NCOR1: variants seen among roughly 807,000 people sequenced by gnomAD.
NCOR1 encodes protein phosphatase 1, regulatory subunit 109.
A neutral mutation model predicts 288.1 loss-of-function variants in NCOR1; 63 were observed. The ratio of observed to expected loss-of-function variants is 0.22; its 90% CI spans 0.18 to 0.27. The LOEUF (loss-of-function observed/expected upper bound fraction) is 0.27. Among genes scored for constraint, NCOR1 ranks in the 10% least tolerant of loss-of-function variants. The probability of loss-of-function intolerance (pLI) is 1.00; values close to 1 mark genes in which losing one functional copy is unlikely to be tolerated. For synonymous variants in NCOR1, 1,007 were observed against 1,065.9 expected (o/e 0.94, Z 1.08); for missense variants, 2,397 against 3,019.2 (o/e 0.79, Z 4.83).
At chr17:16,158,739 C>T in intron 6 of NCOR1, 21 bp downstream of exon 6, 1 of 1,530,144 alleles carries the variant, frequency 6.5e-7, no homozygotes, top group Non-Finnish European at 9.0e-7. Flanking sequence ...GCCTGTGCTG[C>T]CAGAGATGGT....
chr17:16,047,144 G>A (rs768399930), intron 41 of NCOR1, 51 bp from the exon 42 acceptor site: 1 of 1,524,504 alleles, frequency 6.6e-7, no homozygotes, highest in Admixed American at 2.1e-5. Context: ...CTAATCCTGG[G>A]GACATTCCTA....
At chr17:16,205,643 G>GA (rs35190516) in intron 1 of NCOR1, among the ~76,000 whole-genome samples, 82,999 of 132,418 alleles carry the variant, frequency 0.63, 24,921 homozygotes, top group African/African-American at 0.74. Context: ...AAGAAAAGAA[G>GA]AAAAAAAAAA....
At chr17:16,116,591 T>C (rs1330419218) in intron 18 of NCOR1, among the ~76,000 whole-genome samples, 1 of 152,226 alleles carries the variant, frequency 6.6e-6, no homozygotes, top group African/African-American at 2.4e-5. Context: ...TCTGAAAACA[T>C]AGTTTGTCTG....
chr17:16,186,492 T>A (rs1368515267), intron 3 of NCOR1, 62 bp downstream of exon 3: 2 of 1,505,204 alleles, frequency 1.3e-6, no homozygotes, highest in East Asian at 2.3e-5. Flanking sequence ...AATAAAATAA[T>A]GACAAACTTG....
intron 3 of NCOR1, among the ~76,000 whole-genome samples, chr17:16,182,787 G>A (rs1186629107): frequency 6.6e-6 from 1 of 151,974 alleles, no homozygotes; most frequent in Non-Finnish European, 1.5e-5. Flanking sequence ...AGAAATATAT[G>A]AAAGTGATCA....
At chr17:16,049,585 A>ATT (rs753232197) in intron 40 of NCOR1, among the ~76,000 whole-genome samples, 34 of 142,116 alleles carry the variant, frequency 2.4e-4, no homozygotes, top group Non-Finnish European at 3.6e-4. Flanking sequence ...CCCATTTATC[A>ATT]TTTTTTTTTT....
chr17:16,138,282 G>A (rs1399638510), intron 12 of NCOR1, 70 bp from the exon 13 acceptor site: 2 of 1,324,788 alleles, frequency 1.5e-6, no homozygotes, highest in Non-Finnish European at 2.1e-6. Context: ...AAAAAACTTG[G>A]GAAAAGAAAG....
At position 16,072,165 on chromosome 17, in the gene NCOR1, A is replaced by G. The variant is rs775859959; in HGVS notation, c.3875T>C (p.Leu1292Ser). The G allele has an allele frequency of 3.1e-6, 5 of 1,611,734 alleles. No individual in the cohort carries two copies. In the South Asian group the frequency reaches 5.5e-5, roughly 18 times the overall value. Residue 1292 changes from leucine to serine, a missense_variant, in exon 29 of 46, where the codon TTG becomes TCG. Physicochemically the swap from Leu to Ser is moderately radical, Grantham distance 145. Transcript: ENST00000268712. Reference sequence around the variant, plus strand: ...TTTACCCTGCATTATGGAGCCAGACAATACAGTCCTTTCTTTGAGGTCAGA... The same window carrying G: ...TTTACCCTGCATTATGGAGCCAGACGATACAGTCCTTTCTTTGAGGTCAGA... ...PHSDLKERTV[L>S]SGSIMQGTPR...
chr17:16,103,619 G>C (rs2068029707), intron 19 of NCOR1, among the ~76,000 whole-genome samples: 1 of 152,232 alleles, frequency 6.6e-6, no homozygotes, highest in Non-Finnish European at 1.5e-5. Context: ...AATGCCTCAT[G>C]CATCTTCTAC....
Position 16,107,759 on chromosome 17 carries a change from A to T in NCOR1, c.2182+1027T>A, listed in dbSNP as rs547562385. On this transcript the variant is annotated intron_variant, in intron 19 of 45. Transcript: ENST00000268712. ...TCCCTGTTTGCAGCACTCTTACCCT[A>T]CCCTCGGGTGGGACTTCTCTAATAC... is the stretch of plus-strand genomic sequence containing the variant. Among the ~76,000 whole-genome samples, 203 of 152,072 alleles carry T rather than the reference A, an allele frequency of 1.3e-3. 1 individual carries two copies. Among genetic ancestry groups the T allele is most frequent in the African/African-American group, 4.6e-3 (192 of 41,484 alleles).
At chr17:16,174,210 T>C (rs768249637) in intron 3 of NCOR1, among the ~76,000 whole-genome samples, 1 of 152,190 alleles carries the variant, frequency 6.6e-6, no homozygotes, top group African/African-American at 2.4e-5. Flanking sequence ...AAAATTCATA[T>C]GGAATCTCAA....
Position 16,029,321 on chromosome 17 carries a change from A to G in NCOR1, c.*2975T>C, listed in dbSNP as rs1971750116. 3 of 441,032 alleles carry G rather than the reference A, an allele frequency of 6.8e-6. No homozygotes were observed. Among genetic ancestry groups the G allele is most frequent in the South Asian group, 4.9e-5 (3 of 60,772 alleles). The allele number at this position is 441,032 out of a possible 1,614,324, so 27.3% of individuals were successfully genotyped here. ...GTTGTAAAATAAGGTACTGAAGCAA[A>G]AGGAGGACTGATCTCCTTTACTGAT... On this transcript the variant is annotated 3_prime_UTR_variant, in exon 46 of 46. Coordinates refer to ENST00000268712, the MANE Select transcript of NCOR1 (RefSeq NM_006311.4).
intron 19 of NCOR1, among the ~76,000 whole-genome samples, chr17:16,107,191 G>C (rs188148344): frequency 2.0e-5 from 3 of 151,952 alleles, no homozygotes; most frequent in Non-Finnish European, 2.9e-5. Flanking sequence ...CACTGCGCCC[G>C]GCCCAGATAG....
In NCOR1 at chr17:16,076,154, C is replaced by T. The variant is rs191968543; in HGVS notation, c.3502-452G>A. 3.9e-4 allele frequency among the ~76,000 whole-genome samples: 60 copies of T among 152,296 alleles called. No individual in the cohort carries two copies. In the South Asian group the frequency reaches 6.8e-3, roughly 17 times the overall value. On this transcript the variant is annotated intron_variant, in intron 26 of 45. Transcript: ENST00000268712. ...TCTTGTTTTCTTCTGAATGTAGTTA[C>T]GCAATATATCATTTTAATGTGCATT...
intron 45 of NCOR1, among the ~76,000 whole-genome samples, chr17:16,033,022 G>T (rs1567607881): frequency 1.3e-5 from 2 of 152,112 alleles, no homozygotes; most frequent in Non-Finnish European, 2.9e-5. Flanking sequence ...ATGTTTAACT[G>T]TCCCCAGAAA....
intron 37 of NCOR1, among the ~76,000 whole-genome samples, chr17:16,059,125 G>C (rs563079203): frequency 2.0e-5 from 3 of 147,684 alleles, no homozygotes; most frequent in East Asian, 4.0e-4. Context: ...GCAGAACAGA[G>C]AACAGATTTA....
chr17:16,121,633 T>C (rs1480028206), intron 15 of NCOR1, among the ~76,000 whole-genome samples: 2 of 152,196 alleles, frequency 1.3e-5, no homozygotes, highest in Non-Finnish European at 2.9e-5. Context: ...TCTGGGGTTT[T>C]ATTTGCCTTT....
intron 1 of NCOR1, among the ~76,000 whole-genome samples, chr17:16,207,984 G>A (rs865828805): frequency 1.3e-4 from 20 of 149,802 alleles, no homozygotes; most frequent in Non-Finnish European, 2.4e-4. Flanking sequence ...CTTTCAAAGG[G>A]AGTCCTGAAT....
intron 19 of NCOR1, among the ~76,000 whole-genome samples, chr17:16,107,576 T>A (rs2069046213): frequency 6.6e-6 from 1 of 152,204 alleles, no homozygotes; most frequent in Non-Finnish European, 1.5e-5. Context: ...CCACCCAATC[T>A]GTGGTATTTT....
Sources: allele counts gnomAD v4.1 joint callset (sites outside exome capture counted in the v4.1 genomes callset), GRCh38; gene constraint gnomAD v4.1.1; transcripts MANE v1.5; gene names NCBI Gene and HGNC (gene_info 2026-07-23, HGNC 2026-07-21).